Variants in GJC1 observed in about 807,000 individuals in gnomAD.
GJC1 encodes gap junction gamma-1 protein.
Under a neutral mutation model 29.3 loss-of-function variants are expected in GJC1, and 5 were observed. The observed-to-expected ratio is 0.17, with a 90% confidence interval of 0.09 to 0.36. The LOEUF (loss-of-function observed/expected upper bound fraction) is 0.36. GJC1 is among the 10% of genes least tolerant of loss of function. The pLI is 1.00. For missense variants in GJC1, 310 were observed against 496.2 expected, an observed-to-expected ratio of 0.62 and a Z score of 3.56; for synonymous variants, 177 against 183.3, an observed-to-expected ratio of 0.97 and a Z score of 0.28.
chr17:44,824,112 A>T (rs1467637791), intron 1 of GJC1, among the ~76,000 whole-genome samples: 6 of 151,906 alleles, frequency 3.9e-5, no homozygotes, highest in African/African-American at 1.5e-4. Context: ...GGTTCAAGCG[A>T]TTCCCCTGCC....
At chr17:44,812,314 ACT>A (rs1293834157) in intron 1 of GJC1, among the ~76,000 whole-genome samples, 3 of 152,086 alleles carry the variant, frequency 2.0e-5, no homozygotes, top group East Asian at 1.9e-4. Flanking sequence ...ACAGAGCAAG[ACT>A]CTGTCTCAAA....
chr17:44,815,796 C>T (rs1422295221), intron 1 of GJC1, among the ~76,000 whole-genome samples: 1 of 151,900 alleles, frequency 6.6e-6, no homozygotes, highest in Non-Finnish European at 1.5e-5. Flanking sequence ...TTTATAGAAT[C>T]GTATCAATTC....
downstream of GJC1, among the ~76,000 whole-genome samples, chr17:44,795,564 A>G (rs1347816201): frequency 2.0e-5 from 3 of 152,202 alleles, no homozygotes; most frequent in East Asian, 3.9e-4. Context: ...TGAAACAGGA[A>G]AAGTTCCCTT....
At chr17:44,822,666 A>G (rs1023220135) in intron 1 of GJC1, among the ~76,000 whole-genome samples, 6 of 140,204 alleles carry the variant, frequency 4.3e-5, no homozygotes, top group Non-Finnish European at 7.8e-5. Flanking sequence ...AAAAAAAAAG[A>G]GTCCAGCCTC....
At position 44,805,831 on chromosome 17, in the gene GJC1, G is replaced by T. The variant is rs754867348; in HGVS notation, c.-14C>A. ...GCTCCAACTCATGGTGATTGAATTG[G>T]TATGCCCTGATAAAAGTGGAAAAAT... is the stretch of plus-strand genomic sequence containing the variant. On this transcript the variant is annotated 5_prime_UTR_variant, in exon 3 of 3. It introduces an in-frame stop codon into an upstream open reading frame of the 5' UTR. Coordinates refer to ENST00000592524, the MANE Select transcript of GJC1 (RefSeq NM_005497.4). This position sits in a 1 kb window ranked among gnomAD's most constrained non-coding sequence, Gnocchi z 5.1. 30 of 1,461,238 alleles carry T rather than the reference G, an allele frequency of 2.1e-5. No homozygotes were observed. The highest frequency in any genetic ancestry group is 2.7e-5 in the Non-Finnish European group (29 of 1,064,144). 90.5% of individuals were successfully genotyped at this position (1,461,238 alleles called of 1,614,324 possible).
upstream of GJC1, among the ~76,000 whole-genome samples, chr17:44,831,350 C>T (rs558688040): frequency 6.6e-6 from 1 of 152,330 alleles, no homozygotes; most frequent in South Asian, 2.1e-4. Flanking sequence ...CTTTGAGCTT[C>T]TCTTTTCACA....
chr17:44,824,239 C>T (rs951041223), intron 1 of GJC1, among the ~76,000 whole-genome samples: 1 of 152,110 alleles, frequency 6.6e-6, no homozygotes, highest in Non-Finnish European at 1.5e-5. Context: ...AACTCCTGAC[C>T]TTGTGACCTG....
Position 44,800,298 on chromosome 17 carries a change from CG to C in GJC1, c.*4328del, listed in dbSNP as rs1461219698. 2.0e-5 allele frequency: 3 copies of C among 152,002 alleles called. No individual in the cohort carries two copies. The highest frequency in any genetic ancestry group is 4.4e-5 in the Non-Finnish European group (3 of 67,998). The allele number at this position is 152,002 out of a possible 1,614,324, so 9.4% of individuals were successfully genotyped here. On this transcript the variant is annotated 3_prime_UTR_variant, in exon 3 of 3. Transcript: ENST00000592524. The stretch of plus-strand genomic sequence containing the variant: ...TAATTTTTGGTATTTTTAGTAGAGA[CG>C]GGGTTTCACCATGTTGGCCAGGCTG...
At position 44,805,405 on chromosome 17, in the gene GJC1, G is replaced by C; in HGVS notation, c.413C>G (p.Pro138Arg). The stretch of plus-strand genomic sequence containing the variant: ...TAACTCCATCTCTGGATACATCATA[G>C]GATCCTCTTCGTTGTCCTCCTCCGT... ...EETEEDNEEDPMMYPEMELES... is the reference protein window; with the variant it reads ...EETEEDNEEDRMMYPEMELES... Residue 138 changes from proline to arginine, a missense_variant, in exon 3 of 3, where the codon CCT becomes CGT. Pro to Arg is a moderately radical substitution (Grantham distance 103, BLOSUM62 -2). Coordinates refer to ENST00000592524, the MANE Select transcript of GJC1 (RefSeq NM_005497.4). This position sits in a 1 kb window ranked among gnomAD's most constrained non-coding sequence, Gnocchi z 5.1. The C allele has an allele frequency of 6.2e-7, 1 of 1,614,130 alleles. No individual in the cohort carries two copies. Among genetic ancestry groups the C allele is most frequent in the Non-Finnish European group, 8.5e-7 (1 of 1,180,026 alleles).
Position 44,801,894 on chromosome 17 carries a change from C to G in GJC1, c.*2733G>C, listed in dbSNP as rs780639885. 2.0e-5 allele frequency: 3 copies of G among 152,088 alleles called. No homozygotes were observed. The highest frequency in any genetic ancestry group is 4.4e-5 in the Non-Finnish European group (3 of 68,040). The allele number at this position is 152,088 out of a possible 1,614,324, so 9.4% of individuals were successfully genotyped here. On this transcript the variant is annotated 3_prime_UTR_variant, in exon 3 of 3. Transcript: ENST00000592524. The stretch of plus-strand genomic sequence containing the variant: ...TGCTGGGATTACAGGTGTGAGCCAC[C>G]GCGCCTGGCCCATTTTCTTAATGTA...
At position 44,805,484 on chromosome 17, in the gene GJC1, C is replaced by A. The variant is rs1275957841; in HGVS notation, c.334G>T (p.Ala112Ser). The change falls in exon 3 of 3, where the codon GCT becomes TCT. Residue 112 changes from alanine (A) to serine (S), a missense_variant. Ala to Ser is a moderately conservative substitution (Grantham distance 99). Coordinates refer to ENST00000592524, the MANE Select transcript of GJC1 (RefSeq NM_005497.4). The surrounding 1 kb of genome is among the most constrained non-coding windows in gnomAD (Gnocchi z 5.1). ...CGCATTGCATAGGGCTTGCTCCGAG[C>A]TGCCTTCTTGTCTGCTTCACCGTGC... ...MEHGEADKKA[A>S]RSKPYAMRWK... 2 of 1,614,176 alleles carry A rather than the reference C, an allele frequency of 1.2e-6. No homozygotes were observed. Among genetic ancestry groups the A allele is most frequent in the South Asian group, 1.1e-5 (1 of 91,082 alleles).
intron 1 of GJC1, among the ~76,000 whole-genome samples, chr17:44,814,852 G>A (rs2145335045): frequency 6.6e-6 from 1 of 151,970 alleles, no homozygotes; most frequent in South Asian, 2.1e-4. Context: ...TGAGGCAGGA[G>A]AACCACTTGA....
upstream of GJC1, among the ~76,000 whole-genome samples, chr17:44,831,193 G>A (rs896289942): frequency 1.3e-5 from 2 of 152,202 alleles, no homozygotes; most frequent in Non-Finnish European, 1.5e-5. Context: ...GCCCTAAGGG[G>A]TAGCCCCAGA....
At chr17:44,809,154 G>C (rs2049945424) in intron 1 of GJC1, among the ~76,000 whole-genome samples, 1 of 152,148 alleles carries the variant, frequency 6.6e-6, no homozygotes, top group Non-Finnish European at 1.5e-5. Context: ...TCAGCACTTT[G>C]GAAGGCTGAA....
chr17:44,795,325 CCA>C (rs1047196025), downstream of GJC1, among the ~76,000 whole-genome samples: 5 of 152,218 alleles, frequency 3.3e-5, no homozygotes, highest in Admixed American at 2.6e-4. Context: ...CCCTCCTGCC[CCA>C]GATTCAAACA....
intron 1 of GJC1, among the ~76,000 whole-genome samples, chr17:44,820,092 T>C (rs1237460965): frequency 2.6e-5 from 4 of 152,198 alleles, no homozygotes; most frequent in African/African-American, 9.7e-5. Context: ...TTTTAATTGG[T>C]TGAGGAACAT....
chr17:44,821,759 C>T (rs1022621616), intron 1 of GJC1, among the ~76,000 whole-genome samples: 10 of 144,624 alleles, frequency 6.9e-5, no homozygotes, highest in Admixed American at 5.5e-4. Context: ...TACCATCATA[C>T]ACCAATGGTG....
downstream of GJC1, among the ~76,000 whole-genome samples, chr17:44,796,810 CACACACACACACAT>C (rs1002198384): frequency 2.0e-5 from 3 of 151,894 alleles, no homozygotes; most frequent in Non-Finnish European, 4.4e-5. Flanking sequence ...AAAATACACA[CACACACACACACAT>C]ACACACACAC....
chr17:44,802,677 T>C lies in GJC1; in HGVS notation c.*1950A>G, dbSNP rs2049864711. Reference sequence around the variant, plus strand: ...TTTTTTTTAAAAAAGCAAATAAAAGTAAATGAATGGCTAAAAGATAAGGTT... The same window carrying C: ...TTTTTTTTAAAAAAGCAAATAAAAGCAAATGAATGGCTAAAAGATAAGGTT... On this transcript the variant is annotated 3_prime_UTR_variant, in exon 3 of 3. Coordinates refer to ENST00000592524, the MANE Select transcript of GJC1 (RefSeq NM_005497.4). The C allele has an allele frequency of 6.6e-6, 1 of 152,036 alleles. No homozygotes were observed. Among genetic ancestry groups the C allele is most frequent in the African/African-American group, 2.4e-5 (1 of 41,390 alleles). 9.4% of individuals were successfully genotyped at this position (152,036 alleles called of 1,614,324 possible). A position where few individuals can be genotyped will look rare whatever the true frequency, so the allele number is the denominator to read the frequency against.
Sources: gnomAD v4.1 joint callset for allele counts (sites outside exome capture counted in the v4.1 genomes callset) on GRCh38, gnomAD v4.1.1 for gene constraint, Gnocchi (gnomAD v3.1) non-coding constraint, MANE v1.5 for transcripts, NCBI Gene and HGNC (gene_info 2026-07-23, HGNC 2026-07-21) for gene names.